The following ZZZ3 variants were observed in gnomAD, a reference collection of about 807,000 sequenced individuals.
ZZZ3 encodes the protein zinc finger ZZ-type containing 3.
In ZZZ3, 22 loss-of-function variants were observed where a neutral mutation model predicts 95.2. The ratio of observed to expected loss-of-function variants is 0.23; its 90% confidence interval spans 0.17 to 0.33. The LOEUF (loss-of-function observed/expected upper bound fraction) is 0.33, where lower values mean the gene tolerates loss of function less well. ZZZ3 is among the 10% of genes least tolerant of loss of function. The probability of loss-of-function intolerance (pLI) is 1.00; values close to 1 mark genes in which losing one functional copy is unlikely to be tolerated. For synonymous variants in ZZZ3, 335 were observed against 358.9 expected (o/e 0.93, Z 0.75); for missense variants, 885 against 1,066.5 (o/e 0.83, Z 2.37).
intron 9 of ZZZ3, 165 bp downstream of exon 9, chr1:77,580,833 C>T (rs1272210014): frequency 1.8e-6 from 1 of 569,106 alleles, no homozygotes; most frequent in Non-Finnish European, 3.2e-6. Flanking sequence ...ACCATGTTGG[C>T]CAGGTTGGTC....
intron 5 of ZZZ3, among the ~76,000 whole-genome samples, chr1:77,589,166 C>T (rs971698534): frequency 8.5e-5 from 13 of 152,142 alleles, no homozygotes; most frequent in African/African-American, 3.1e-4. Flanking sequence ...CGTGAGCCCC[C>T]ACACCCAACC....
At chr1:77,573,785 CT>C (rs950771156) in intron 12 of ZZZ3, among the ~76,000 whole-genome samples, 4 of 152,084 alleles carry the variant, frequency 2.6e-5, no homozygotes, top group Admixed American at 1.3e-4. Flanking sequence ...AAGGAGCTTA[CT>C]TTTATTTGAT....
intron 10 of ZZZ3, 101 bp from the exon 11 acceptor site, chr1:77,578,970 G>C: frequency 2.0e-6 from 1 of 500,198 alleles, no homozygotes; most frequent in East Asian, 3.5e-5. Context: ...TGAATGCTAA[G>C]AATTCAATAC....
At chr1:77,604,846 T>C (rs989042590) in intron 5 of ZZZ3, among the ~76,000 whole-genome samples, 2 of 152,244 alleles carry the variant, frequency 1.3e-5, no homozygotes, top group African/African-American at 2.4e-5. Context: ...TCATTGTTTA[T>C]AGACCAGCTC....
intron 5 of ZZZ3, among the ~76,000 whole-genome samples, chr1:77,596,375 G>A (rs1054803624): frequency 1.3e-5 from 2 of 152,028 alleles, no homozygotes; most frequent in Admixed American, 6.6e-5. Context: ...GAGGAGGATT[G>A]CATACATGAA....
rs140111692 is a variant in ZZZ3 at position 77,582,020 on chromosome 1, C to T, written c.1751G>A (p.Arg584His). The stretch of plus-strand genomic sequence containing the variant: ...CTTAACTCTTCTAGTATGTCTTTTA[C>T]GATTTTTAAATTCTCTTTCAAAATT... ...LGNFEREFKN[R>H]KRHTRRVKLV... The change falls in exon 7 of 15, where the codon CGT (arginine) becomes CAT (histidine). Residue 584 changes from arginine (R) to histidine (H), a missense_variant. Arg to His is a conservative substitution (Grantham distance 29). Transcript: ENST00000370801. 698 of 1,609,932 alleles carry T rather than the reference C, an allele frequency of 4.3e-4. 1 individual carries two copies. The highest frequency in any genetic ancestry group is 5.5e-4 in the Non-Finnish European group (649 of 1,176,832).
At chr1:77,598,770 T>C (rs370767115) in intron 5 of ZZZ3, among the ~76,000 whole-genome samples, 1 of 152,178 alleles carries the variant, frequency 6.6e-6, no homozygotes, top group South Asian at 2.1e-4. Flanking sequence ...TTATTCGAAA[T>C]ACCTTTTTAG....
In ZZZ3 at chr1:77,566,166, T is replaced by C. The variant is rs151252073; in HGVS notation, c.2482A>G (p.Ile828Val). ...HVGFKCDNCG[I>V]EPIQGVRWHC... Reference sequence around the variant, plus strand: ...CACCGAACACCCTGGATGGGTTCTATGCCACAGTTATCACACTATAACAGA... The same window carrying C: ...CACCGAACACCCTGGATGGGTTCTACGCCACAGTTATCACACTATAACAGA... The change falls in exon 14 of 15, where the codon ATA becomes GTA. Residue 828 changes from isoleucine (I) to valine (V), a missense_variant. Transcript: ENST00000370801. 2.9e-5 allele frequency: 46 copies of C among 1,611,486 alleles called. No homozygotes were observed. The Admixed American group carries it at 6.0e-4, about 21-fold the overall frequency.
intron 5 of ZZZ3, among the ~76,000 whole-genome samples, chr1:77,589,755 C>G (rs368208082): frequency 6.6e-6 from 1 of 151,900 alleles, no homozygotes; most frequent in South Asian, 2.1e-4. Flanking sequence ...CCACTGTGCT[C>G]GGCCTATAAG....
At chr1:77,659,188 A>T (rs1317012919) in intron 1 of ZZZ3, among the ~76,000 whole-genome samples, 1 of 152,042 alleles carries the variant, frequency 6.6e-6, no homozygotes, top group South Asian at 2.1e-4. Context: ...TATATATATA[A>T]AATATATATT....
intron 5 of ZZZ3, among the ~76,000 whole-genome samples, chr1:77,622,266 C>T (rs1223783601): frequency 6.6e-6 from 1 of 151,302 alleles, no homozygotes; most frequent in East Asian, 1.9e-4. Context: ...TAGACTGTGC[C>T]ACTGCACTAC....
chr1:77,648,289 C>T (rs1448359875), intron 1 of ZZZ3, among the ~76,000 whole-genome samples: 1 of 140,444 alleles, frequency 7.1e-6, no homozygotes, highest in Non-Finnish European at 1.5e-5. Flanking sequence ...GTTGAGGCTG[C>T]AATGAGCCAC....
intron 5 of ZZZ3, among the ~76,000 whole-genome samples, chr1:77,607,522 G>T (rs1665357254): frequency 6.6e-6 from 1 of 152,228 alleles, no homozygotes; most frequent in Admixed American, 6.5e-5. Context: ...CAGAAATTCT[G>T]CAGCTGAAAA....
chr1:77,648,706 G>C (rs1241505210), intron 1 of ZZZ3, among the ~76,000 whole-genome samples: 4 of 152,112 alleles, frequency 2.6e-5, no homozygotes, highest in Admixed American at 2.6e-4. Flanking sequence ...ATGAGATATA[G>C]AATATCATCA....
At chr1:77,594,055 T>C (rs1663979363) in intron 5 of ZZZ3, among the ~76,000 whole-genome samples, 1 of 152,192 alleles carries the variant, frequency 6.6e-6, no homozygotes, top group Admixed American at 6.5e-5. Flanking sequence ...TTATGTTGTA[T>C]ACACAAATAC....
intron 1 of ZZZ3, among the ~76,000 whole-genome samples, chr1:77,672,087 T>A (rs1671836237): frequency 6.6e-6 from 1 of 152,242 alleles, no homozygotes; most frequent in African/African-American, 2.4e-5. Flanking sequence ...TGTTTATTTC[T>A]TGAATTTCCC....
chr1:77,640,197 G>A (rs867749346), intron 3 of ZZZ3, among the ~76,000 whole-genome samples: 2 of 151,934 alleles, frequency 1.3e-5, no homozygotes, highest in Admixed American at 6.6e-5. Context: ...AGGATTTTCC[G>A]GTTTTAGTAC....
In ZZZ3 at chr1:77,639,571, C is replaced by A; in HGVS notation, c.-174G>T. On this transcript the variant is annotated 5_prime_UTR_variant, in exon 4 of 15. Transcript: ENST00000370801. Reference sequence around the variant, plus strand: ...GGGTTTCAGACTCTCTCAGCTTCAGCCATGAAGAATACTAGAACCTCCTAA... The same window carrying A: ...GGGTTTCAGACTCTCTCAGCTTCAGACATGAAGAATACTAGAACCTCCTAA... 1.2e-6 allele frequency: 1 copy of A among 862,258 alleles called. No individual in the cohort carries two copies. Among genetic ancestry groups the A allele is most frequent in the South Asian group, 3.2e-5 (1 of 31,238 alleles). The allele number at this position is 862,258 out of a possible 1,614,324, so 53.4% of individuals were successfully genotyped here. A position where few individuals can be genotyped will look rare whatever the true frequency, so the allele number is the denominator to read the frequency against.
At chr1:77,582,421 T>C (rs1048797529) in intron 6 of ZZZ3, among the ~76,000 whole-genome samples, 2 of 152,168 alleles carry the variant, frequency 1.3e-5, no homozygotes, top group Admixed American at 6.5e-5. Context: ...CCCATAAATG[T>C]TCTCTGCATT....
Sources: allele counts gnomAD v4.1 joint callset (sites outside exome capture counted in the v4.1 genomes callset), GRCh38; gene constraint gnomAD v4.1.1; transcripts MANE v1.5; gene names NCBI Gene and HGNC (gene_info 2026-07-23, HGNC 2026-07-21).